The following DRC12 variants were observed in gnomAD, a reference collection of about 807,000 sequenced individuals.
DRC12 encodes the protein dynein regulatory complex protein 12.
chr11:119,195,401 C>T, the DRC12 span: 6 of 1,547,182 alleles, frequency 3.9e-6, no homozygotes, highest in East Asian at 1.5e-4. Context: ...AAGCAGGGGG[C>T]ACCTCCACCC....
chr11:119,190,964 T>A, the DRC12 span: 1,150 of 1,150,068 alleles, frequency 1.0e-3, 15 homozygotes, highest in South Asian at 0.017. The surrounding 1 kb of genome is among the most constrained non-coding windows in gnomAD (Gnocchi z 4.2). Flanking sequence ...CATCACCAAA[T>A]TTCCCGCAGT....
At chr11:119,192,936 G>A in the DRC12 span, among the ~76,000 whole-genome samples, 36 of 152,274 alleles carry the variant, frequency 2.4e-4, no homozygotes, top group African/African-American at 8.2e-4. Context: ...CTGAGCCACC[G>A]CGCCTGGAGC....
chr11:119,190,449 T>G, the DRC12 span: 1 of 1,614,066 alleles, frequency 6.2e-7, no homozygotes, highest in Non-Finnish European at 8.5e-7. The surrounding 1 kb of genome is among the most constrained non-coding windows in gnomAD (Gnocchi z 4.2). Context: ...CTGTCCAGAC[T>G]GTCCTGCAGA....
the DRC12 span, chr11:119,190,550 G>C: frequency 6.4e-7 from 1 of 1,562,340 alleles, no homozygotes. The surrounding 1 kb of genome is among the most constrained non-coding windows in gnomAD (Gnocchi z 4.2). Context: ...CAGTAGACAT[G>C]GTCGTATCCC....
chr11:119,193,122 G>C, the DRC12 span: 5 of 1,587,326 alleles, frequency 3.1e-6, no homozygotes, highest in Middle Eastern at 1.7e-4. Context: ...CTCTTGGAGA[G>C]AAGGGGCTTG....
chr11:119,195,317 G>A, the DRC12 span: 21 of 1,037,144 alleles, frequency 2.0e-5, no homozygotes, highest in African/African-American at 3.2e-5. Context: ...GGTCAAGAGA[G>A]CTCCATCCTG....
the DRC12 span, chr11:119,190,788 G>A: frequency 1.3e-5 from 21 of 1,613,952 alleles, no homozygotes; most frequent in African/African-American, 5.3e-5. This position sits in a 1 kb window ranked among gnomAD's most constrained non-coding sequence, Gnocchi z 4.2. Context: ...CCCGCTCTCC[G>A]AGAGCTTGTT....
chr11:119,193,425 G>C, the DRC12 span: 2 of 874,656 alleles, frequency 2.3e-6, no homozygotes, highest in Non-Finnish European at 3.4e-6. Flanking sequence ...GAAGGGACAG[G>C]AAGCCCGACC....
chr11:119,193,905 C>T, the DRC12 span: 115 of 1,550,224 alleles, frequency 7.4e-5, no homozygotes, highest in Non-Finnish European at 9.4e-5. Context: ...GTCCCAGAGC[C>T]GCCGTCAGGA....
chr11:119,193,312 T>A, the DRC12 span: 11 of 1,346,802 alleles, frequency 8.2e-6, no homozygotes, highest in Non-Finnish European at 1.2e-5. Context: ...GGAAATGAAG[T>A]TGTGGGTGGG....
chr11:119,192,585 T>C, the DRC12 span, among the ~76,000 whole-genome samples: 826 of 152,234 alleles, frequency 5.4e-3, 4 homozygotes, highest in African/African-American at 0.017. Flanking sequence ...ATGGCAGTGG[T>C]GGGGAGTTAG....
chr11:119,191,803 G>A, the DRC12 span, among the ~76,000 whole-genome samples: 28 of 151,638 alleles, frequency 1.8e-4, no homozygotes, highest in African/African-American at 5.3e-4. Context: ...GTGAAACTCC[G>A]TCTCAAAACA....
the DRC12 span, chr11:119,195,455 T>C: frequency 6.4e-7 from 1 of 1,551,468 alleles, no homozygotes; most frequent in Non-Finnish European, 8.7e-7. Flanking sequence ...GTGCCCCAGA[T>C]TTCTTCCCTT....
the DRC12 span, chr11:119,190,823 C>G: frequency 3.1e-6 from 5 of 1,612,772 alleles, no homozygotes; most frequent in Non-Finnish European, 4.2e-6. This position sits in a 1 kb window ranked among gnomAD's most constrained non-coding sequence, Gnocchi z 4.2. Context: ...GCAGCTGCAG[C>G]CTCCCTTTGG....
chr11:119,193,910 T>C, the DRC12 span: 2 of 1,549,668 alleles, frequency 1.3e-6, no homozygotes, highest in Non-Finnish European at 1.7e-6. Flanking sequence ...AGAGCCGCCG[T>C]CAGGACTGGC....
At chr11:119,193,393 C>G in the DRC12 span, 2 of 835,510 alleles carry the variant, frequency 2.4e-6, no homozygotes, top group Admixed American at 5.0e-5. Context: ...TTCTGAGAAG[C>G]TGCAGACCAT....
the DRC12 span, chr11:119,195,715 T>C: frequency 1.9e-6 from 1 of 527,590 alleles, no homozygotes. Flanking sequence ...CAGAAGTCAT[T>C]CCTTGCAACT....
the DRC12 span, among the ~76,000 whole-genome samples, chr11:119,194,561 GC>G: frequency 2.7e-5 from 3 of 112,916 alleles, no homozygotes; most frequent in Non-Finnish European, 5.5e-5. Context: ...AAATAAAGTA[GC>G]CAGGCATGGT....
the DRC12 span, among the ~76,000 whole-genome samples, chr11:119,194,515 C>CAAAA: frequency 1.4e-3 from 38 of 27,482 alleles, no homozygotes; most frequent in East Asian, 5.8e-3. Context: ...GACTCTGTCT[C>CAAAA]AAAAAAAAAA....
Sources: allele counts gnomAD v4.1 joint callset (sites outside exome capture counted in the v4.1 genomes callset), GRCh38; gene constraint gnomAD v4.1.1; non-coding constraint Gnocchi (gnomAD v3.1); transcripts MANE v1.5; gene names NCBI Gene and HGNC (gene_info 2026-07-23, HGNC 2026-07-21).